Variants in SYTL2 observed in about 807,000 individuals in gnomAD.
SYTL2 encodes the protein synaptotagmin-like protein 2.
In SYTL2, 165 loss-of-function variants were observed where a neutral mutation model predicts 198.7. The observed-to-expected ratio is 0.83, with a 90% confidence interval of 0.73 to 0.94. The LOEUF is 0.94. SYTL2 is among the 40% of genes least tolerant of loss of function. SYTL2 has a pLI of 0.00. For synonymous variants in SYTL2, 966 were observed against 917.7 expected, an observed-to-expected ratio of 1.05 and a Z score of -0.95; for missense variants, 2,835 against 2,582.8, an observed-to-expected ratio of 1.10 and a Z score of -2.12.
chr11:85,812,951 C>T (rs1272652089), upstream of SYTL2, among the ~76,000 whole-genome samples: 1 of 152,212 alleles, frequency 6.6e-6, no homozygotes, highest in African/African-American at 2.4e-5. Flanking sequence ...TCCTGCCCCT[C>T]TCTAGCTCTG....
intron 7 of SYTL2, among the ~76,000 whole-genome samples, chr11:85,728,945 G>C (rs1438817016): frequency 6.6e-6 from 1 of 151,992 alleles, no homozygotes; most frequent in East Asian, 1.9e-4. Context: ...TGCATACTGG[G>C]GTTTAAGAAC....
intron 4 of SYTL2, among the ~76,000 whole-genome samples, chr11:85,739,299 G>C (rs868733528): frequency 1.4e-5 from 2 of 145,658 alleles, no homozygotes; most frequent in Non-Finnish European, 3.0e-5. Flanking sequence ...CAAAACTGCA[G>C]TGAGGCAGAC....
the SYTL2 span, among the ~76,000 whole-genome samples, chr11:85,818,656 A>ACTATTTATCTATCTATCTATCTAT: frequency 5.5e-4 from 82 of 149,108 alleles, no homozygotes; most frequent in African/African-American, 9.8e-4. Context: ...TGTATAAATT[A>ACTATTTATCTATCTATCTATCTAT]CTATCTATCT....
chr11:85,838,079 T>C, the SYTL2 span, among the ~76,000 whole-genome samples: 2 of 152,332 alleles, frequency 1.3e-5, no homozygotes, highest in Middle Eastern at 3.4e-3. Context: ...TAGCCAGATG[T>C]CTCCGGGGGA....
At chr11:85,789,494 C>A (rs931657214) in intron 1 of SYTL2, among the ~76,000 whole-genome samples, 4 of 148,920 alleles carry the variant, frequency 2.7e-5, no homozygotes, top group African/African-American at 5.0e-5. Flanking sequence ...CTTGGCCTCC[C>A]AAAGTGTTGG....
At chr11:85,710,220 A>G (rs2086008928) in intron 13 of SYTL2, among the ~76,000 whole-genome samples, 1 of 152,146 alleles carries the variant, frequency 6.6e-6, no homozygotes, top group African/African-American at 2.4e-5. Context: ...CTAAAAAGGA[A>G]TTTTACCATG....
chr11:85,746,574 T>G (rs780863856), intron 3 of SYTL2, among the ~76,000 whole-genome samples: 3 of 152,206 alleles, frequency 2.0e-5, no homozygotes, highest in Admixed American at 2.0e-4. Flanking sequence ...AGCCAGTAAG[T>G]GCCCAGAATA....
the SYTL2 span, among the ~76,000 whole-genome samples, chr11:85,838,655 G>A: frequency 1.3e-5 from 2 of 152,062 alleles, no homozygotes; most frequent in Middle Eastern, 3.2e-3. Context: ...GATCTCAAGA[G>A]AACTCACTAT....
In SYTL2 at chr11:85,727,190, G is replaced by T; in HGVS notation, c.2168C>A (p.Pro723Gln). The change falls in exon 8 of 20, where the codon CCA becomes CAA. Residue 723 changes from proline to glutamine, a missense_variant. Coordinates refer to ENST00000359152, the MANE Select transcript of SYTL2 (RefSeq NM_206927.4). ...TGCATTCATGTTATCTTTCAAACCTGGTTCTTTGACAACTGTTGAAGAGTC... is the reference window on the plus strand; with the variant it reads ...TGCATTCATGTTATCTTTCAAACCTTGTTCTTTGACAACTGTTGAAGAGTC... ...NFDSSTVVKEPGLKDNMNAER... is the reference protein window; with the variant it reads ...NFDSSTVVKEQGLKDNMNAER... 1 of 1,536,430 alleles carries T rather than the reference G, an allele frequency of 6.5e-7. No individual in the cohort carries two copies. Among genetic ancestry groups the T allele is most frequent in the Non-Finnish European group, 8.7e-7 (1 of 1,146,950 alleles).
At chr11:85,729,400 A>G (rs1342643835) in intron 7 of SYTL2, among the ~76,000 whole-genome samples, 2 of 152,368 alleles carry the variant, frequency 1.3e-5, no homozygotes, top group East Asian at 1.9e-4. Flanking sequence ...CTCTCAGACC[A>G]CAGTGCAATC....
chr11:85,725,390 T>A lies in SYTL2; in HGVS notation c.3968A>T (p.Asp1323Val), dbSNP rs140826741. The A allele has an allele frequency of 7.9e-5, 128 of 1,613,848 alleles. 1 individual carries two copies. The Middle Eastern group carries it at 1.2e-3, about 15-fold the overall frequency. The change falls in exon 8 of 20, where the codon GAT becomes GTT. Residue 1323 changes from aspartate to valine, a missense_variant. Transcript: ENST00000359152. Reference sequence around the variant, plus strand: ...CATATCTTGGGGAGGGCTGGCCACATCCCCAAAAGAACCCTTTCTGGAAAG... The same window carrying A: ...CATATCTTGGGGAGGGCTGGCCACAACCCCAAAAGAACCCTTTCTGGAAAG... ...SQLSRKGSFG[D>V]VASPPQDMLF... is the part of the protein sequence containing the mutation.
chr11:85,727,207 TGAAGAGTCAAAA>T lies in SYTL2; in HGVS notation c.2139_2150del (p.Asn713_Ser717delinsLys). ...TCAAACCTGGTTCTTTGACAACTGTTGAAGAGTCAAAATTCACTTCTGAGTGTCCTCTATTTT... is the reference window on the plus strand; with the variant it reads ...TCAAACCTGGTTCTTTGACAACTGTTTTCACTTCTGAGTGTCCTCTATTTT... On this transcript the variant is annotated inframe_deletion, in exon 8 of 20. Transcript: ENST00000359152. The T allele has an allele frequency of 6.5e-7, 1 of 1,536,462 alleles. No individual in the cohort carries two copies. The highest frequency in any genetic ancestry group is 2.4e-5 in the East Asian group (1 of 40,920).
the SYTL2 span, among the ~76,000 whole-genome samples, chr11:85,833,806 G>A: frequency 2.0e-5 from 3 of 147,620 alleles, no homozygotes; most frequent in South Asian, 6.4e-4. Context: ...TGGTACGATC[G>A]TGGCTCACTG....
chr11:85,721,929 C>T (rs1239301560), intron 8 of SYTL2, among the ~76,000 whole-genome samples: 2 of 152,058 alleles, frequency 1.3e-5, no homozygotes, highest in Non-Finnish European at 2.9e-5. Flanking sequence ...AAGGAGCATA[C>T]TGAGGTATTG....
chr11:85,762,340 G>A (rs2092118827), intron 1 of SYTL2, among the ~76,000 whole-genome samples: 1 of 152,182 alleles, frequency 6.6e-6, no homozygotes, highest in South Asian at 2.1e-4. Flanking sequence ...TATACCCATT[G>A]TTCACAGATA....
At chr11:85,807,984 T>C (rs927823408) in intron 1 of SYTL2, among the ~76,000 whole-genome samples, 1 of 152,226 alleles carries the variant, frequency 6.6e-6, no homozygotes, top group Non-Finnish European at 1.5e-5. Flanking sequence ...AATTTGTTAA[T>C]ATAGATGCAA....
the SYTL2 span, among the ~76,000 whole-genome samples, chr11:85,818,031 T>C: frequency 1.3e-5 from 2 of 151,344 alleles, no homozygotes; most frequent in Non-Finnish European, 2.9e-5. Flanking sequence ...GCCTCCCAAG[T>C]AGTTAGAATC....
intron 6 of SYTL2, among the ~76,000 whole-genome samples, chr11:85,735,086 A>ACAAATGT (rs2090202167): frequency 6.6e-6 from 1 of 152,220 alleles, no homozygotes; most frequent in African/African-American, 2.4e-5. Flanking sequence ...ATCACGTGTA[A>ACAAATGT]CAAATGTACC....
intron 1 of SYTL2, among the ~76,000 whole-genome samples, chr11:85,784,360 A>G (rs1159779633): frequency 6.6e-6 from 1 of 151,720 alleles, no homozygotes; most frequent in African/African-American, 2.4e-5. Flanking sequence ...AACCAAAGCC[A>G]CCAAAATAGA....
Sources: allele counts gnomAD v4.1 joint callset (sites outside exome capture counted in the v4.1 genomes callset), GRCh38; gene constraint gnomAD v4.1.1; transcripts MANE v1.5; gene names NCBI Gene and HGNC (gene_info 2026-07-23, HGNC 2026-07-21).